TRAF3: variants seen among roughly 807,000 people sequenced by gnomAD.
TRAF3 encodes the protein TNF receptor associated factor 3.
In TRAF3, 13 loss-of-function variants were observed where a neutral mutation model predicts 62.3. That is an observed-to-expected ratio of 0.21 (90% CI 0.14 to 0.33). TRAF3 has a LOEUF of 0.33. Among genes scored for constraint, TRAF3 ranks in the 10% least tolerant of loss-of-function variants. The pLI, the probability that TRAF3 is intolerant of heterozygous loss-of-function variation, is 1.00. For synonymous variants in TRAF3, 269 were observed against 283.4 expected, an observed-to-expected ratio of 0.95 and a Z score of 0.51; for missense variants, 440 against 741.8, an observed-to-expected ratio of 0.59 and a Z score of 4.73.
chr14:102,811,114 T>A (rs1272797345), intron 1 of TRAF3, among the ~76,000 whole-genome samples: 1 of 152,158 alleles, frequency 6.6e-6, no homozygotes, highest in Non-Finnish European at 1.5e-5. Context: ...TGCACTTAGA[T>A]CATCTTGTAG....
intron 2 of TRAF3, among the ~76,000 whole-genome samples, chr14:102,851,213 C>G (rs1887019340): frequency 6.6e-6 from 1 of 152,126 alleles, no homozygotes; most frequent in Admixed American, 6.5e-5. Context: ...ATTGTCATAT[C>G]TAAATTTTAG....
At chr14:102,844,498 A>G (rs1886575220) in intron 2 of TRAF3, among the ~76,000 whole-genome samples, 1 of 152,172 alleles carries the variant, frequency 6.6e-6, no homozygotes, top group African/African-American at 2.4e-5. Flanking sequence ...AACTCTGGGC[A>G]GGAAAATAAG....
At position 102,903,201 on chromosome 14, in the gene TRAF3, A is replaced by C; in HGVS notation, c.961-54A>C. 1 of 1,612,346 alleles carries C rather than the reference A, an allele frequency of 6.2e-7. No homozygotes were observed. The highest frequency in any genetic ancestry group is 8.5e-7 in the Non-Finnish European group (1 of 1,178,502). On this transcript the variant is annotated intron_variant, in intron 10 of 11. Transcript: ENST00000392745. The surrounding 1 kb of genome is among the most constrained non-coding windows in gnomAD (Gnocchi z 6.4). ...GTCTGTATTTGATGGAAGGTGGTGC[A>C]GCATTTTCCGAGTCCTAACTGTGTT... is the stretch of plus-strand genomic sequence containing the variant.
intron 1 of TRAF3, among the ~76,000 whole-genome samples, chr14:102,805,574 TCTC>T (rs1183436017): frequency 6.6e-6 from 1 of 152,134 alleles, no homozygotes; most frequent in African/African-American, 2.4e-5. Context: ...ACTGTTGGGT[TCTC>T]CTCCCTGCTG....
At chr14:102,800,609 G>A (rs889325585) in intron 1 of TRAF3, among the ~76,000 whole-genome samples, 6 of 151,948 alleles carry the variant, frequency 3.9e-5, no homozygotes, top group Admixed American at 2.6e-4. Flanking sequence ...ACTTATGTGA[G>A]GCTATTTATA....
Position 102,908,452 on chromosome 14 carries a change from C to T in TRAF3, c.*2668C>T, listed in dbSNP as rs1357312983. 1.3e-5 allele frequency: 2 copies of T among 152,410 alleles called. No homozygotes were observed. The highest frequency in any genetic ancestry group is 6.5e-5 in the Admixed American group (1 of 15,288). The allele number at this position is 152,410 out of a possible 1,614,324, so 9.4% of individuals were successfully genotyped here. ...GCAGCAGCCTGGGACGGCGTCCCCT[C>T]TCCCGGCGGCGGGCAAGCCTTGCGC... is the stretch of plus-strand genomic sequence containing the variant. On this transcript the variant is annotated 3_prime_UTR_variant, in exon 12 of 12. Coordinates refer to ENST00000392745, the MANE Select transcript of TRAF3 (RefSeq NM_145725.3).
At chr14:102,866,662 A>G (rs943147711) in intron 2 of TRAF3, among the ~76,000 whole-genome samples, 3 of 152,032 alleles carry the variant, frequency 2.0e-5, no homozygotes, top group Non-Finnish European at 4.4e-5. Flanking sequence ...TGGGGAACAT[A>G]GCGAGACCCC....
chr14:102,893,905 A>C (rs1889862936), intron 9 of TRAF3, among the ~76,000 whole-genome samples: 1 of 152,260 alleles, frequency 6.6e-6, no homozygotes, highest in African/African-American at 2.4e-5. Flanking sequence ...AGGCTGGACA[A>C]ACAGCAGAGA....
chr14:102,781,712 C>T (rs1043327661), intron 1 of TRAF3, among the ~76,000 whole-genome samples: 4 of 151,764 alleles, frequency 2.6e-5, no homozygotes, highest in Non-Finnish European at 5.9e-5. Context: ...CTGCAACCTC[C>T]GCCTCCTGGG....
At chr14:102,823,898 C>T (rs558525331) in intron 1 of TRAF3, among the ~76,000 whole-genome samples, 3 of 144,872 alleles carry the variant, frequency 2.1e-5, no homozygotes, top group Non-Finnish European at 4.6e-5. Flanking sequence ...TGTCACTAAG[C>T]ACCATATTTT....
At chr14:102,833,013 A>C (rs1229569059) in intron 2 of TRAF3, among the ~76,000 whole-genome samples, 1 of 152,124 alleles carries the variant, frequency 6.6e-6, no homozygotes, top group Non-Finnish European at 1.5e-5. Context: ...GGGGTGGGGG[A>C]GGTCCCCATA....
chr14:102,869,477 A>T (rs1436913192), intron 2 of TRAF3, among the ~76,000 whole-genome samples: 1 of 152,128 alleles, frequency 6.6e-6, no homozygotes, highest in African/African-American at 2.4e-5. Flanking sequence ...TAGTATATGT[A>T]TTTTTTTAAA....
chr14:102,895,194 G>T (rs1489671360), intron 9 of TRAF3: 14 of 448,418 alleles, frequency 3.1e-5, no homozygotes, highest in Non-Finnish European at 5.8e-5. Context: ...CTCCACATTC[G>T]TGCAGGTTGA....
rs2139974618 is a variant in TRAF3 at position 102,897,321 on chromosome 14, C to A, written c.880C>A (p.Gln294Lys). ...KNKSIQSLHN[Q>K]ICSFEIEIER... Reference sequence around the variant, plus strand: ...CAAGAGCATACAAAGTTTGCACAATCAGATATGTAGCTTTGAAATTGAAAT... The same window carrying A: ...CAAGAGCATACAAAGTTTGCACAATAAGATATGTAGCTTTGAAATTGAAAT... Residue 294 changes from glutamine to lysine, a missense_variant, in exon 10 of 12, where the codon CAG becomes AAG. Coordinates refer to ENST00000392745, the MANE Select transcript of TRAF3 (RefSeq NM_145725.3). The A allele has an allele frequency of 5.0e-6, 8 of 1,613,742 alleles. No individual in the cohort carries two copies. The highest frequency in any genetic ancestry group is 6.8e-6 in the Non-Finnish European group (8 of 1,179,836).
rs573076926 is a variant in TRAF3, at chr14:102,872,432, C to G, written c.297+464C>G. Among the ~76,000 whole-genome samples the G allele has an allele frequency of 1.6e-3, 247 of 152,336 alleles. 1 individual carries two copies. The highest frequency in any genetic ancestry group is 9.1e-3 in the South Asian group (44 of 4,828). On this transcript the variant is annotated intron_variant, in intron 4 of 11. Transcript: ENST00000392745. Reference sequence around the variant, plus strand: ...ATTTGAGTTTGTGCTCCCTGCCCCCCAGGCCCCCTGTGATATCTTTAAGTC... The same window carrying G: ...ATTTGAGTTTGTGCTCCCTGCCCCCGAGGCCCCCTGTGATATCTTTAAGTC...
intron 7 of TRAF3, among the ~76,000 whole-genome samples, chr14:102,886,831 A>G (rs140841071): frequency 6.6e-6 from 1 of 152,332 alleles, no homozygotes; most frequent in African/African-American, 2.4e-5. Context: ...AAATGGGAAT[A>G]TTTTACATAC....
In TRAF3 at chr14:102,903,430, G is replaced by T. The variant is rs1304944473; in HGVS notation, c.1135+1G>T. 6.2e-7 allele frequency: 1 copy of T among 1,613,690 alleles called. No homozygotes were observed. The highest frequency in any genetic ancestry group is 8.5e-7 in the Non-Finnish European group (1 of 1,179,896). On this transcript the variant is annotated splice_donor_variant, in intron 11 of 11. Coordinates refer to ENST00000392745, the MANE Select transcript of TRAF3 (RefSeq NM_145725.3). LOFTEE classifies it high-confidence loss of function. This position sits in a 1 kb window ranked among gnomAD's most constrained non-coding sequence, Gnocchi z 6.4. The stretch of plus-strand genomic sequence containing the variant: ...GCGGGGCAAGTGGCTCGGAACACAG[G>T]TGAGGCAGGGGCCGGGGCCGGGCCA...
At chr14:102,825,254 C>A (rs1169369826) in intron 1 of TRAF3, among the ~76,000 whole-genome samples, 1 of 152,242 alleles carries the variant, frequency 6.6e-6, no homozygotes, top group African/African-American at 2.4e-5. Context: ...GTGATTTCTC[C>A]TGTTAAAGCC....
At chr14:102,819,596 G>C (rs915932734) in intron 1 of TRAF3, among the ~76,000 whole-genome samples, 1 of 152,188 alleles carries the variant, frequency 6.6e-6, no homozygotes, top group African/African-American at 2.4e-5. Flanking sequence ...TACATCTCAG[G>C]TGTTACCATC....
Sources: allele counts gnomAD v4.1 joint callset (sites outside exome capture counted in the v4.1 genomes callset), GRCh38; gene constraint gnomAD v4.1.1; non-coding constraint Gnocchi (gnomAD v3.1); transcripts MANE v1.5; gene names NCBI Gene and HGNC (gene_info 2026-07-23, HGNC 2026-07-21).